CST3: variants seen among roughly 807,000 people sequenced by gnomAD.
The protein encoded by CST3 is cystatin C, also known as cystatin-C.
In CST3, 14 loss-of-function variants were observed where a neutral mutation model predicts 9.0. That is an observed-to-expected ratio of 1.56 (90% CI 1.03 to 2.44). The LOEUF (loss-of-function observed/expected upper bound fraction) is 2.44, where lower values mean the gene tolerates loss of function less well. CST3 is among the 30% of genes most tolerant of loss of function. The probability of loss-of-function intolerance (pLI) is 0.00; values close to 1 mark genes in which losing one functional copy is unlikely to be tolerated. For synonymous variants in CST3, 96 were observed against 90.2 expected (o/e 1.06, Z -0.37); for missense variants, 237 against 204.3 (o/e 1.16, Z -0.98).
intron 1 of CST3, among the ~76,000 whole-genome samples, chr20:23,636,764 T>G (rs1315599162): frequency 6.6e-6 from 1 of 152,180 alleles, no homozygotes; most frequent in East Asian, 1.9e-4. Flanking sequence ...CAGCTGCTGC[T>G]GCAGGTTAAA....
downstream of CST3, among the ~76,000 whole-genome samples, chr20:23,631,277 C>T (rs778166074): frequency 3.9e-5 from 6 of 151,944 alleles, no homozygotes; most frequent in Admixed American, 6.6e-5. Flanking sequence ...TCAGCTGGAG[C>T]GGCTCTGGGC....
Position 23,633,659 on chromosome 20 carries a change from C to T in CST3, c.*257G>A, listed in dbSNP as rs1015150250. ...AGACAGCCAAGAACTCAGAGGGAGC[C>T]GATGCTACTATTTTATTGCAGGAGG... On this transcript the variant is annotated 3_prime_UTR_variant, in exon 3 of 3. Transcript: ENST00000376925. 12 of 600,972 alleles carry T rather than the reference C, an allele frequency of 2.0e-5. No individual in the cohort carries two copies. The highest frequency in any genetic ancestry group is 1.5e-4 in the African/African-American group (8 of 54,182). The allele number at this position is 600,972 out of a possible 1,614,324, so 37.2% of individuals were successfully genotyped here.
downstream of CST3, among the ~76,000 whole-genome samples, chr20:23,631,469 C>T (rs574943059): frequency 1.5e-3 from 224 of 152,312 alleles, 1 homozygote; most frequent in African/African-American, 5.2e-3. Flanking sequence ...AATGGGGTGG[C>T]GATCCACTGT....
exon 4 of CST3, chr20:23,628,196 C>T (rs187368682): frequency 1.3e-5 from 2 of 152,260 alleles, no homozygotes; most frequent in East Asian, 1.9e-4. Flanking sequence ...TTGGTTGGTA[C>T]TGGGGAGGTG....
rs1048211848 is a variant in CST3 at position 23,637,896 on chromosome 20, C to T, written c.-34G>A. 1.5e-6 allele frequency: 2 copies of T among 1,347,348 alleles called. No individual in the cohort carries two copies. Among genetic ancestry groups the T allele is most frequent in the Non-Finnish European group, 9.4e-7 (1 of 1,059,682 alleles). The allele number at this position is 1,347,348 out of a possible 1,614,324, so 83.5% of individuals were successfully genotyped here. A position where few individuals can be genotyped will look rare whatever the true frequency, so the allele number is the denominator to read the frequency against. On this transcript the variant is annotated 5_prime_UTR_variant, in exon 1 of 3. Coordinates refer to ENST00000376925, the MANE Select transcript of CST3 (RefSeq NM_000099.4). ...AGGACGCGGGACGCGGGGAGTGGGG[C>T]GCAGGCGAGAGGCTGGAGCTAGATA...
downstream of CST3, among the ~76,000 whole-genome samples, chr20:23,629,743 G>A (rs1291086692): frequency 1.3e-5 from 2 of 148,776 alleles, no homozygotes; most frequent in African/African-American, 5.0e-5. Context: ...GTGGGGGGGG[G>A]AGGGGGTGGA....
Position 23,637,665 on chromosome 20 carries a change from G to A in CST3, c.198C>T (p.Asp66=). The part of the protein sequence containing the change: ...AVGEYNKASN[D]MYHSRALQVV... ...CCTGCAGCGCGCGGCTGTGGTACAT[G>A]TCGTTGCTGGCTTTGTTGTACTCGC... The change falls in exon 1 of 3, where the codon GAC becomes GAT. Residue 66 remains aspartate, a synonymous_variant. Coordinates refer to ENST00000376925, the MANE Select transcript of CST3 (RefSeq NM_000099.4). 1 of 1,535,728 alleles carries A rather than the reference G, an allele frequency of 6.5e-7. No individual in the cohort carries two copies. The highest frequency in any genetic ancestry group is 8.8e-7 in the Non-Finnish European group (1 of 1,141,818).
chr20:23,627,196 C>T (rs1321802818), exon 4 of CST3: 1 of 152,206 alleles, frequency 6.6e-6, no homozygotes, highest in Admixed American at 6.5e-5. Context: ...CTATTGCCCC[C>T]AGCCCTAGAC....
Position 23,637,676 on chromosome 20 carries a change from C to CTTTG in CST3, c.183_186dup (p.Ala63GlnfsTer52). 6.5e-7 allele frequency: 1 copy of CTTTG among 1,539,186 alleles called. No homozygotes were observed. The highest frequency in any genetic ancestry group is 8.7e-7 in the Non-Finnish European group (1 of 1,143,326). On this transcript the variant is annotated frameshift_variant, in exon 1 of 3. Transcript: ENST00000376925. LOFTEE classifies it high-confidence loss of function. ...CGGCTGTGGTACATGTCGTTGCTGG[C>CTTTG]TTTGTTGTACTCGCCGACGGCAAAG...
intron 1 of CST3, 31 bp downstream of exon 1, chr20:23,637,589 G>A (rs910596123): frequency 2.0e-6 from 3 of 1,483,742 alleles, no homozygotes; most frequent in African/African-American, 2.9e-5. Context: ...GCGGGGCCGG[G>A]GCTTCGGACC....
chr20:23,636,278 T>C (rs898740712), intron 1 of CST3, among the ~76,000 whole-genome samples: 1 of 152,038 alleles, frequency 6.6e-6, no homozygotes, highest in Admixed American at 6.5e-5. Flanking sequence ...CAAGAGAAGG[T>C]GGAGGAGCTC....
rs559461904 is a variant in CST3, at chr20:23,634,591, C to T, written c.358-592G>A. 6.0e-4 allele frequency among the ~76,000 whole-genome samples: 92 copies of T among 152,208 alleles called. 1 individual carries two copies. The highest frequency in any genetic ancestry group is 2.2e-3 in the African/African-American group (90 of 41,520). On this transcript the variant is annotated intron_variant, in intron 2 of 2. Transcript: ENST00000376925. Reference sequence around the variant, plus strand: ...TCTAATCTGCTCAGCATGGCCGTGGCTGTGGGCAGGTGCCTAAGGCTGGGA... The same window carrying T: ...TCTAATCTGCTCAGCATGGCCGTGGTTGTGGGCAGGTGCCTAAGGCTGGGA...
In CST3 at chr20:23,637,915, C is replaced by T. The variant is rs1979767742; in HGVS notation, c.-53G>A. On this transcript the variant is annotated 5_prime_UTR_variant, in exon 1 of 3. Coordinates refer to ENST00000376925, the MANE Select transcript of CST3 (RefSeq NM_000099.4). ...GTGGGGCGCAGGCGAGAGGCTGGAG[C>T]TAGATAGAGAGGACCCGCTGCGATA... The T allele has an allele frequency of 7.5e-7, 1 of 1,325,254 alleles. No homozygotes were observed. The highest frequency in any genetic ancestry group is 1.6e-5 in the African/African-American group (1 of 63,232). 82.1% of individuals were successfully genotyped at this position (1,325,254 alleles called of 1,614,324 possible).
chr20:23,627,053 T>G (rs1417607387), exon 4 of CST3: 1 of 152,216 alleles, frequency 6.6e-6, no homozygotes, highest in African/African-American at 2.4e-5. Context: ...TTCACATACC[T>G]CACCCACTTA....
Position 23,635,374 on chromosome 20 carries a change from A to G in CST3, c.244-7T>C. 1.2e-6 allele frequency: 2 copies of G among 1,612,556 alleles called. No individual in the cohort carries two copies. Among genetic ancestry groups the G allele is most frequent in the South Asian group, 1.1e-5 (1 of 90,902 alleles). On this transcript the variant is annotated splice_region_variant and splice_polypyrimidine_tract_variant and intron_variant, in intron 1 of 2. Transcript: ENST00000376925. ...AGTTCACCCCAGCTACGATCTACACATGTGAAAGAGCAGGAGGCAGGGACA... is the reference window on the plus strand; with the variant it reads ...AGTTCACCCCAGCTACGATCTACACGTGTGAAAGAGCAGGAGGCAGGGACA...
At chr20:23,637,557 A>C in intron 1 of CST3, 63 bp downstream of exon 1, 1 of 1,388,888 alleles carries the variant, frequency 7.2e-7, no homozygotes, top group Non-Finnish European at 9.4e-7. Context: ...GTCCGGGAGC[A>C]GCGCGGGGGG....
chr20:23,633,728 G>C lies in CST3; in HGVS notation c.*188C>G, dbSNP rs1979538911. 2 of 676,632 alleles carry C rather than the reference G, an allele frequency of 3.0e-6. No homozygotes were observed. The highest frequency in any genetic ancestry group is 4.2e-5 in the Admixed American group (2 of 47,988). 41.9% of individuals were successfully genotyped at this position (676,632 alleles called of 1,614,324 possible). A position where few individuals can be genotyped will look rare whatever the true frequency, so the allele number is the denominator to read the frequency against. ...ACACCGGGGCTATGAGAAGCAAGAA[G>C]GAAGGAGGGAGGGCAGAGCCCCTTG... On this transcript the variant is annotated 3_prime_UTR_variant, in exon 3 of 3. Transcript: ENST00000376925.
chr20:23,635,641 A>G (rs906426943), intron 1 of CST3, among the ~76,000 whole-genome samples: 2 of 152,214 alleles, frequency 1.3e-5, no homozygotes, highest in East Asian at 3.9e-4. Flanking sequence ...GGGCAGGGAC[A>G]CTGGATCTAT....
At chr20:23,632,704 G>A (rs114965981), downstream of CST3, among the ~76,000 whole-genome samples, 1 of 152,304 alleles carries the variant, frequency 6.6e-6, no homozygotes, top group African/African-American at 2.4e-5. Flanking sequence ...GCAGCTCCGA[G>A]GTTGGAAGGT....
Sources: gnomAD v4.1 joint callset for allele counts (sites outside exome capture counted in the v4.1 genomes callset) on GRCh38, gnomAD v4.1.1 for gene constraint, MANE v1.5 for transcripts, NCBI Gene and HGNC (gene_info 2026-07-23, HGNC 2026-07-21) for gene names.